OR7A10: variants seen among roughly 807,000 people sequenced by gnomAD.
OR7A10 encodes the protein olfactory receptor 7A10.
For synonymous variants in OR7A10, 144 were observed against 144.5 expected, an observed-to-expected ratio of 1.00 and a Z score of 0.02; for missense variants, 358 against 370.1, an observed-to-expected ratio of 0.97 and a Z score of 0.27.
intron 1 of OR7A10, among the ~76,000 whole-genome samples, chr19:14,847,850 C>A (rs1210607198): frequency 6.6e-6 from 1 of 150,542 alleles, no homozygotes; most frequent in Non-Finnish European, 1.5e-5. Context: ...ATTGGCGGGG[C>A]CAGGTGGCTC....
At chr19:14,842,766 T>C (rs2044922241) in intron 1 of OR7A10, among the ~76,000 whole-genome samples, 2 of 152,230 alleles carry the variant, frequency 1.3e-5, no homozygotes, top group South Asian at 2.1e-4. Context: ...CAGTCTACCG[T>C]TGATGGGCGT....
At chr19:14,847,680 T>A (rs1246117309) in intron 1 of OR7A10, among the ~76,000 whole-genome samples, 2 of 151,906 alleles carry the variant, frequency 1.3e-5, no homozygotes, top group East Asian at 3.9e-4. Flanking sequence ...CAGGCTAATT[T>A]GTTTTTTGTA....
chr19:14,847,315 A>G (rs1255566275), intron 1 of OR7A10, among the ~76,000 whole-genome samples: 4 of 152,194 alleles, frequency 2.6e-5, no homozygotes, highest in Non-Finnish European at 5.9e-5. Context: ...AAAAATTGCA[A>G]AGTAAAGGCC....
chr19:14,840,466 C>T lies in OR7A10; in HGVS notation c.*482G>A, dbSNP rs1368056202. On this transcript the variant is annotated 3_prime_UTR_variant, in exon 2 of 2. Coordinates refer to ENST00000641129, the MANE Select transcript of OR7A10 (RefSeq NM_001005190.2). Reference sequence around the variant, plus strand: ...AAAACAACTGAAGATAAAGTAAATACATATATTGTTCACTTGTCAACACTT... The same window carrying T: ...AAAACAACTGAAGATAAAGTAAATATATATATTGTTCACTTGTCAACACTT... 4 of 154,030 alleles carry T rather than the reference C, an allele frequency of 2.6e-5. No individual in the cohort carries two copies. The highest frequency in any genetic ancestry group is 7.2e-5 in the African/African-American group (3 of 41,434). The allele number at this position is 154,030 out of a possible 1,614,324, so 9.5% of individuals were successfully genotyped here.
At position 14,844,664 on chromosome 19, in the gene OR7A10, G is replaced by GTTTTTTT. The variant is rs1348866444; in HGVS notation, c.-12-2782_-12-2776dup. ...TTTTCACTGTTGCCTTGAGTTCTGTGTTTTTTTTTTTTTTTTGAGATGGAG... is the reference window on the plus strand; with the variant it reads ...TTTTCACTGTTGCCTTGAGTTCTGTGTTTTTTTTTTTTTTTTTTTTTTTGAGATGGAG... On this transcript the variant is annotated intron_variant, in intron 1 of 1. Coordinates refer to ENST00000641129, the MANE Select transcript of OR7A10 (RefSeq NM_001005190.2). Among the ~76,000 whole-genome samples the GTTTTTTT allele has an allele frequency of 1.1e-3, 112 of 97,662 alleles. 13 individuals carry two copies. Among genetic ancestry groups the GTTTTTTT allele is most frequent in the African/African-American group, 2.4e-3 (60 of 25,328 alleles). 64.1% of individuals were successfully genotyped at this position (97,662 alleles called of 152,430 possible).
At chr19:14,844,401 G>A (rs990928335) in intron 1 of OR7A10, among the ~76,000 whole-genome samples, 1 of 152,158 alleles carries the variant, frequency 6.6e-6, no homozygotes, top group Admixed American at 6.5e-5. Context: ...AATGAAAGAC[G>A]CTGAGGAATG....
chr19:14,848,419 A>G (rs143574135), intron 1 of OR7A10, 81 bp downstream of exon 1: 61 of 152,358 alleles, frequency 4.0e-4, no homozygotes, highest in African/African-American at 1.4e-3. Flanking sequence ...TGCAGCTAGG[A>G]TTGGCTCTTT....
At chr19:14,842,333 C>T (rs540683057) in intron 1 of OR7A10, among the ~76,000 whole-genome samples, 2 of 152,210 alleles carry the variant, frequency 1.3e-5, no homozygotes, top group Non-Finnish European at 2.9e-5. Flanking sequence ...CTCATTGCAA[C>T]CTCTGTCTCT....
chr19:14,841,971 T>C, intron 1 of OR7A10, 82 bp from the exon 2 acceptor site: 4 of 803,618 alleles, frequency 5.0e-6, no homozygotes, highest in Middle Eastern at 2.4e-4. Flanking sequence ...AGAAATGTTA[T>C]CATTTATATT....
chr19:14,848,100 G>A (rs547258860), intron 1 of OR7A10, among the ~76,000 whole-genome samples: 13 of 150,136 alleles, frequency 8.7e-5, no homozygotes, highest in African/African-American at 2.9e-4. Flanking sequence ...TCCAGCCTGG[G>A]CGACAGAGTA....
intron 1 of OR7A10, among the ~76,000 whole-genome samples, chr19:14,846,795 TG>T (rs2044945237): frequency 6.6e-6 from 1 of 151,522 alleles, no homozygotes; most frequent in Non-Finnish European, 1.5e-5. Context: ...AGCATGTTTA[TG>T]ACAGATATAA....
chr19:14,845,433 C>G (rs145161686), intron 1 of OR7A10, among the ~76,000 whole-genome samples: 2,421 of 152,046 alleles, frequency 0.016, 26 homozygotes, highest in Admixed American at 0.03. Context: ...TGAGATTGCG[C>G]CCCTGGACTC....
intron 1 of OR7A10, among the ~76,000 whole-genome samples, chr19:14,845,070 A>AAACACAC (rs1568259156): frequency 2.4e-4 from 34 of 141,704 alleles, no homozygotes; most frequent in East Asian, 1.4e-3. Flanking sequence ...CACACACACA[A>AAACACAC]ACACACACAC....
At chr19:14,848,399 T>TC (rs113993347) in intron 1 of OR7A10, 101 bp downstream of exon 1, 9,589 of 152,274 alleles carry the variant, frequency 0.063, 514 homozygotes, top group African/African-American at 0.15. Context: ...CAGCAGCGTC[T>TC]CCACTCTGTT....
At position 14,841,331 on chromosome 19, in the gene OR7A10, G is replaced by C. The variant is rs9305052; in HGVS notation, c.547C>G (p.Gln183Glu). The C allele has an allele frequency of 9.1e-3, 14,636 of 1,614,106 alleles. 492 individuals are homozygous for C. The highest frequency in any genetic ancestry group is 0.09 in the African/African-American group (6,766 of 74,996). The stretch of plus-strand genomic sequence containing the variant: ...TCAGAACAGGCAAGGTGGACCACCT[G>C]ATTAATTTCACAGAAAAAATGAGGG... ...EIPHFFCEIN[Q>E]VVHLACSDTF... The change falls in exon 2 of 2, where the codon CAG (glutamine) becomes GAG (glutamate). Residue 183 changes from glutamine (Q) to glutamate (E), a missense_variant. Physicochemically the swap from Gln to Glu is conservative, Grantham distance 29. Transcript: ENST00000641129.
In OR7A10 at chr19:14,845,348, G is replaced by A. The variant is rs772391116; in HGVS notation, c.-13+3152C>T. On this transcript the variant is annotated intron_variant, in intron 1 of 1. Coordinates refer to ENST00000641129, the MANE Select transcript of OR7A10 (RefSeq NM_001005190.2). ...AAATTAGCTGGGCGTGGTGGTGGGC[G>A]CCTGTAATCCCAGCTACTGGGGAGG... Among the ~76,000 whole-genome samples, 43 of 151,934 alleles carry A rather than the reference G, an allele frequency of 2.8e-4. 1 individual carries two copies. Among genetic ancestry groups the A allele is most frequent in the Admixed American group, 1.5e-3 (23 of 15,258 alleles).
chr19:14,846,727 G>GAAAAAAAAAAAAAAAAAAAAAAA (rs1242384296), intron 1 of OR7A10, among the ~76,000 whole-genome samples: 2 of 75,090 alleles, frequency 2.7e-5, no homozygotes, highest in African/African-American at 9.6e-5. Flanking sequence ...AAAAAAAAAG[G>GAAAAAAAAAAAAAAAAAAAAAAA]AAAAGGAAGT....
chr19:14,846,666 C>T (rs1487258595), intron 1 of OR7A10, among the ~76,000 whole-genome samples: 9 of 132,102 alleles, frequency 6.8e-5, no homozygotes, highest in Non-Finnish European at 1.1e-4. Context: ...TCTGAGATCG[C>T]GTCACTGCAC....
Position 14,846,709 on chromosome 19 carries a change from C to CAAAAAAAAAAAAAAAAAAAAA in OR7A10, c.-13+1790_-13+1791insTTTTTTTTTTTTTTTTTTTTT, listed in dbSNP as rs60087409. Among the ~76,000 whole-genome samples, 19 of 64,018 alleles carry CAAAAAAAAAAAAAAAAAAAAA rather than the reference C, an allele frequency of 3.0e-4. 2 individuals carry two copies. Among genetic ancestry groups the CAAAAAAAAAAAAAAAAAAAAA allele is most frequent in the African/African-American group, 7.2e-4 (11 of 15,180 alleles). The allele number at this position is 64,018 out of a possible 152,430, so 42.0% of individuals were successfully genotyped here. On this transcript the variant is annotated intron_variant, in intron 1 of 1. Transcript: ENST00000641129. ...TGGGTGACAGAGCGAGACTCCATCTCAAAAAAAAAAAAAAAAGGAAAAGGA... is the reference window on the plus strand; with the variant it reads ...TGGGTGACAGAGCGAGACTCCATCTCAAAAAAAAAAAAAAAAAAAAAAAAAAAAAAAAAAAAAGGAAAAGGA...
Sources: gnomAD v4.1 joint callset for allele counts (sites outside exome capture counted in the v4.1 genomes callset) on GRCh38, gnomAD v4.1.1 for gene constraint, MANE v1.5 for transcripts, NCBI Gene and HGNC (gene_info 2026-07-23, HGNC 2026-07-21) for gene names.